The following IK variants were observed in gnomAD, a reference collection of about 807,000 sequenced individuals.
The protein encoded by IK is protein Red.
In IK, 47 loss-of-function variants were observed where a neutral mutation model predicts 90.9. The observed-to-expected ratio is 0.52, with a 90% CI of 0.41 to 0.66. The LOEUF (loss-of-function observed/expected upper bound fraction) is 0.66. Among genes scored for constraint, IK ranks in the 30% least tolerant of loss-of-function variants. The pLI, the probability that IK is intolerant of heterozygous loss-of-function variation, is 0.00. For missense variants in IK, 385 were observed against 709.3 expected, an observed-to-expected ratio of 0.54 and a Z score of 5.19; for synonymous variants, 201 against 227.5, an observed-to-expected ratio of 0.88 and a Z score of 1.05.
intron 1 of IK, 88 bp from the exon 2 acceptor site, chr5:140,648,383 C>A: frequency 8.7e-7 from 1 of 1,144,922 alleles, no homozygotes; most frequent in Non-Finnish European, 1.3e-6. Flanking sequence ...AACTTTTGTT[C>A]TGTATTGTTC....
At chr5:140,662,042 A>C in intron 18 of IK, 35 bp downstream of exon 18, 1 of 1,571,534 alleles carries the variant, frequency 6.4e-7, no homozygotes, top group Non-Finnish European at 8.7e-7. Context: ...GGAGGGTTTC[A>C]GCTGGGAGAA....
intron 1 of IK, 165 bp from the exon 2 acceptor site, chr5:140,648,306 C>T: frequency 5.4e-6 from 4 of 736,584 alleles, no homozygotes; most frequent in Non-Finnish European, 9.8e-6. Context: ...CTGCTTTGTG[C>T]TCCCACAGCT....
chr5:140,656,786 T>A lies in IK; in HGVS notation c.802-768T>A, dbSNP rs139951592. On this transcript the variant is annotated intron_variant, in intron 9 of 19. Coordinates refer to ENST00000417647, the MANE Select transcript of IK (RefSeq NM_006083.4). ...TTACAAACAATCCATTTATACTCTT[T>A]TAGTTGTTTTAGAATGTATAAATTA... 2.6e-3 allele frequency among the ~76,000 whole-genome samples: 395 copies of A among 152,318 alleles called. 1 individual carries two copies. Among genetic ancestry groups the A allele is most frequent in the African/African-American group, 9.0e-3 (374 of 41,568 alleles).
chr5:140,661,384 A>C lies in IK; in HGVS notation c.1414-236A>C. The C allele has an allele frequency of 2.1e-6, 1 of 475,892 alleles. No homozygotes were observed. Among genetic ancestry groups the C allele is most frequent in the African/African-American group, 2.0e-5 (1 of 50,268 alleles). The allele number at this position is 475,892 out of a possible 1,614,324, so 29.5% of individuals were successfully genotyped here. A position where few individuals can be genotyped will look rare whatever the true frequency, so the allele number is the denominator to read the frequency against. Reference sequence around the variant, plus strand: ...TTTCCTCATCAGGAAAATGGAGAGAAATATAGTTCCCTCTTCATAGATTTT... The same window carrying C: ...TTTCCTCATCAGGAAAATGGAGAGACATATAGTTCCCTCTTCATAGATTTT... On this transcript the variant is annotated intron_variant, in intron 16 of 19. Coordinates refer to ENST00000417647, the MANE Select transcript of IK (RefSeq NM_006083.4). This position sits in a 1 kb window ranked among gnomAD's most constrained non-coding sequence, Gnocchi z 4.2.
rs773176317 is a variant in IK, at chr5:140,659,324, G to A, written c.1186G>A (p.Val396Ile). Residue 396 changes from valine to isoleucine, a missense_variant, in exon 13 of 20, where the codon GTT (valine) becomes ATT (isoleucine). This residue lies in a region of IK where 139 missense variants were observed against 172.0 expected (regional missense o/e 0.81). Coordinates refer to ENST00000417647, the MANE Select transcript of IK (RefSeq NM_006083.4). ...TTTGTGTTCTTTCCAGCCCATGGACGTTGACAAAGGTGAGTTGTACACACA... is the reference window on the plus strand; with the variant it reads ...TTTGTGTTCTTTCCAGCCCATGGACATTGACAAAGGTGAGTTGTACACACA... ...KPKVDDEPMD[V>I]DKGPGSTKEL... 33 of 1,613,852 alleles carry A rather than the reference G, an allele frequency of 2.0e-5. No individual in the cohort carries two copies. Among genetic ancestry groups the A allele is most frequent in the Non-Finnish European group, 2.6e-5 (31 of 1,179,852 alleles).
At chr5:140,648,575 G>A in intron 2 of IK, 38 bp downstream of exon 2, 2 of 1,574,484 alleles carry the variant, frequency 1.3e-6, no homozygotes, top group Middle Eastern at 1.7e-4. Flanking sequence ...AATGAGTTGG[G>A]CAATGAATAG....
At chr5:140,660,289 C>CTTATTTTTTTTTTTTT in intron 15 of IK, 94 bp downstream of exon 15, 1 of 282,650 alleles carries the variant, frequency 3.5e-6, no homozygotes, top group Non-Finnish European at 6.2e-6. Context: ...CCCAGGGCTA[C>CTTATTTTTTTTTTTTT]TTCTTTTTTT....
At chr5:140,655,213 T>G (rs1757690501) in intron 8 of IK, among the ~76,000 whole-genome samples, 1 of 152,168 alleles carries the variant, frequency 6.6e-6, no homozygotes, top group African/African-American at 2.4e-5. Context: ...AGTTTGGGGC[T>G]TATGAGTTAA....
intron 4 of IK, 142 bp from the exon 5 acceptor site, chr5:140,652,835 G>A: frequency 3.0e-6 from 2 of 676,056 alleles, no homozygotes; most frequent in South Asian, 4.0e-5. Context: ...ACGAAGAGGT[G>A]GCCAGCAGTT....
At chr5:140,656,027 A>T in intron 9 of IK, 35 bp downstream of exon 9, 1 of 1,546,536 alleles carries the variant, frequency 6.5e-7, no homozygotes, top group Non-Finnish European at 8.7e-7. Flanking sequence ...CTATCATGTG[A>T]GCCTCAAGCC....
In IK at chr5:140,661,768, G is replaced by C; in HGVS notation, c.1502+60G>C. The C allele has an allele frequency of 7.0e-7, 1 of 1,428,742 alleles. No individual in the cohort carries two copies. Among genetic ancestry groups the C allele is most frequent in the Non-Finnish European group, 9.7e-7 (1 of 1,030,334 alleles). The allele number at this position is 1,428,742 out of a possible 1,614,324, so 88.5% of individuals were successfully genotyped here. On this transcript the variant is annotated intron_variant, in intron 17 of 19. Coordinates refer to ENST00000417647, the MANE Select transcript of IK (RefSeq NM_006083.4). The surrounding 1 kb of genome is among the most constrained non-coding windows in gnomAD (Gnocchi z 4.2). ...AGGGGTGTGGGGATTTGGTGGAATA[G>C]TGCATATAAGGTTAGAGGGTGTGGT...
chr5:140,654,987 T>A lies in IK; in HGVS notation c.637+260T>A, dbSNP rs28479357. Reference sequence around the variant, plus strand: ...ACCATACCTAGCTAATTTTTTTTTTTATTTTTTGCAGAGATGGGGTTCTCT... The same window carrying A: ...ACCATACCTAGCTAATTTTTTTTTTAATTTTTTGCAGAGATGGGGTTCTCT... On this transcript the variant is annotated intron_variant, in intron 8 of 19. Transcript: ENST00000417647. Among the ~76,000 whole-genome samples, 7 of 147,044 alleles carry A rather than the reference T, an allele frequency of 4.8e-5. No homozygotes were observed. The East Asian group carries it at 1.4e-3, about 30-fold the overall frequency.
chr5:140,658,686 A>G, intron 10 of IK, 51 bp from the exon 11 acceptor site: 1 of 1,419,542 alleles, frequency 7.0e-7, no homozygotes. Context: ...GGTGAAGTTC[A>G]GTGGAAATTA....
chr5:140,652,064 C>A (rs762495339), intron 3 of IK, 24 bp from the exon 4 acceptor site: 2 of 1,592,686 alleles, frequency 1.3e-6, no homozygotes, highest in Non-Finnish European at 1.7e-6. Context: ...ATTTTGCTAT[C>A]AGTGAATTTC....
rs749162667 is a variant in IK, at chr5:140,659,784, G to A, written c.1224G>A (p.Lys408=). Residue 408 remains lysine, a synonymous_variant, in exon 14 of 20, where the codon AAG becomes AAA. Transcript: ENST00000417647. ...CTGGGTCTACCAAGGAGTTGATCAAGTCCATCAATGAAAAGTTTGCTGGGT... is the reference window on the plus strand; with the variant it reads ...CTGGGTCTACCAAGGAGTTGATCAAATCCATCAATGAAAAGTTTGCTGGGT... ...KGPGSTKELI[K]SINEKFAGSA... is the part of the protein sequence containing the mutation. 4 of 1,600,086 alleles carry A rather than the reference G, an allele frequency of 2.5e-6. No individual in the cohort carries two copies. Among genetic ancestry groups the A allele is most frequent in the Non-Finnish European group, 3.4e-6 (4 of 1,173,024 alleles).
At chr5:140,656,419 A>T (rs182150756) in intron 9 of IK, among the ~76,000 whole-genome samples, 7 of 152,260 alleles carry the variant, frequency 4.6e-5, no homozygotes, top group Non-Finnish European at 7.4e-5. Flanking sequence ...TCCTGACCTC[A>T]AGTGATCCAT....
At chr5:140,649,074 T>C in intron 2 of IK, 1 of 157,160 alleles carries the variant, frequency 6.4e-6, no homozygotes, top group South Asian at 1.6e-4. Flanking sequence ...CGACTTCAGG[T>C]GATCCACCCG....
At chr5:140,654,843 T>A (rs1024573180) in intron 8 of IK, 116 bp downstream of exon 8, 1 of 746,386 alleles carries the variant, frequency 1.3e-6, no homozygotes, top group African/African-American at 1.8e-5. Context: ...TTTCTTTCTT[T>A]TTGAGACAGT....
In IK at chr5:140,658,954, T is replaced by TG. The variant is rs753068367; in HGVS notation, c.970dup (p.Asp324GlyfsTer24). ...ATTTTCCCAGTATTTTTGAAGACAT[T>TG]GGGGATTACGTACCCTCCACAACCA... On this transcript the variant is annotated frameshift_variant, in exon 12 of 20. Transcript: ENST00000417647. LOFTEE classifies it high-confidence loss of function. The TG allele has an allele frequency of 6.2e-7, 1 of 1,613,324 alleles. No homozygotes were observed. The highest frequency in any genetic ancestry group is 1.3e-5 in the African/African-American group (1 of 74,688).
Sources: gnomAD v4.1 joint callset for allele counts (sites outside exome capture counted in the v4.1 genomes callset) on GRCh38, gnomAD v4.1.1 for gene constraint, gnomAD v4.1.1 regional missense constraint, Gnocchi (gnomAD v3.1) non-coding constraint, MANE v1.5 for transcripts, NCBI Gene and HGNC (gene_info 2026-07-23, HGNC 2026-07-21) for gene names.